Variants in LRRC4C observed in about 807,000 individuals in gnomAD.
LRRC4C encodes leucine-rich repeat-containing protein 4C.
LRRC4C carries 5 observed loss-of-function variants against 33.6 expected under a neutral mutation model. The observed-to-expected ratio is 0.15, with a 90% CI of 0.08 to 0.31. LRRC4C has a LOEUF of 0.31. LRRC4C is among the 10% of genes least tolerant of loss of function. The pLI is 1.00. For missense variants in LRRC4C, 560 were observed against 796.7 expected (o/e 0.70, Z 3.58); for synonymous variants, 329 against 302.0 (o/e 1.09, Z -0.93).
chr11:40,452,541 G>A (rs1951936298), intron 3 of LRRC4C, among the ~76,000 whole-genome samples: 1 of 152,148 alleles, frequency 6.6e-6, no homozygotes, highest in South Asian at 2.1e-4. Flanking sequence ...ACAGGTGCTG[G>A]AGAGGATGTG....
chr11:40,811,780 G>C (rs1277513689), intron 2 of LRRC4C, among the ~76,000 whole-genome samples: 1 of 152,188 alleles, frequency 6.6e-6, no homozygotes, highest in East Asian at 1.9e-4. Context: ...ACAGGCATGA[G>C]CCATCACACC....
At chr11:40,810,751 T>C (rs1393382395) in intron 2 of LRRC4C, among the ~76,000 whole-genome samples, 5 of 152,158 alleles carry the variant, frequency 3.3e-5, no homozygotes, top group African/African-American at 9.7e-5. Context: ...TTAATTAACA[T>C]GTCTTTTTGG....
At chr11:40,367,851 C>T (rs916338983) in intron 3 of LRRC4C, among the ~76,000 whole-genome samples, 3 of 152,034 alleles carry the variant, frequency 2.0e-5, no homozygotes, top group African/African-American at 7.2e-5. Flanking sequence ...TATCTGATCC[C>T]TCATATGAGG....
chr11:41,443,946 T>C (rs1565678291), intron 1 of LRRC4C, among the ~76,000 whole-genome samples: 2 of 152,032 alleles, frequency 1.3e-5, no homozygotes, highest in Non-Finnish European at 2.9e-5. Flanking sequence ...TCATATTACC[T>C]TTTCCTCTGT....
chr11:40,415,940 C>T (rs1359580523), intron 3 of LRRC4C, among the ~76,000 whole-genome samples: 1 of 152,130 alleles, frequency 6.6e-6, no homozygotes, highest in Non-Finnish European at 1.5e-5. Context: ...GAAATTATAA[C>T]TCTTATTTTT....
intron 5 of LRRC4C, among the ~76,000 whole-genome samples, chr11:40,221,600 C>T (rs1000619692): frequency 2.0e-5 from 3 of 151,960 alleles, no homozygotes; most frequent in African/African-American, 7.3e-5. Context: ...TTTCTGCCTC[C>T]AAAGAAAGAA....
chr11:40,485,607 C>T (rs1215512958), intron 3 of LRRC4C, among the ~76,000 whole-genome samples: 1 of 151,970 alleles, frequency 6.6e-6, no homozygotes, highest in African/African-American at 2.4e-5. Flanking sequence ...TCAAAGTGAT[C>T]TGACAACCAC....
chr11:41,087,605 A>C (rs1159339776), intron 1 of LRRC4C, among the ~76,000 whole-genome samples: 3 of 152,136 alleles, frequency 2.0e-5, no homozygotes, highest in Admixed American at 1.3e-4. Flanking sequence ...CTGGAACTAC[A>C]GGTTCTTGCC....
chr11:41,265,620 A>C (rs1404674939), intron 1 of LRRC4C, among the ~76,000 whole-genome samples: 3 of 152,142 alleles, frequency 2.0e-5, no homozygotes, highest in African/African-American at 7.2e-5. Flanking sequence ...AGAGATGGGG[A>C]AAAACCTAGT....
intron 3 of LRRC4C, among the ~76,000 whole-genome samples, chr11:40,439,158 T>C (rs1486106317): frequency 6.6e-6 from 1 of 151,224 alleles, no homozygotes; most frequent in African/African-American, 2.4e-5. Context: ...CCCAGGATGG[T>C]CTTGATCTTC....
chr11:40,334,827 A>G (rs985466145), intron 3 of LRRC4C, among the ~76,000 whole-genome samples: 5 of 152,054 alleles, frequency 3.3e-5, no homozygotes, highest in Non-Finnish European at 5.9e-5. Flanking sequence ...CTCCTGCGCT[A>G]CCTAAAAACT....
chr11:41,148,173 G>T (rs2135948148), intron 1 of LRRC4C, among the ~76,000 whole-genome samples: 1 of 152,080 alleles, frequency 6.6e-6, no homozygotes, highest in South Asian at 2.1e-4. Flanking sequence ...GTGCCACCAT[G>T]CCTGGCTAAC....
At chr11:40,502,805 T>C (rs1474040956) in intron 3 of LRRC4C, among the ~76,000 whole-genome samples, 1 of 152,160 alleles carries the variant, frequency 6.6e-6, no homozygotes, top group Non-Finnish European at 1.5e-5. Flanking sequence ...TTGGTTTATT[T>C]CTCTGTCTTC....
intron 1 of LRRC4C, among the ~76,000 whole-genome samples, chr11:41,442,754 C>A (rs1955679182): frequency 6.6e-6 from 1 of 152,082 alleles, no homozygotes; most frequent in African/African-American, 2.4e-5. Context: ...CAGGCGTGAG[C>A]CACCGCGCCC....
chr11:40,507,742 T>G (rs1955105972), intron 3 of LRRC4C, among the ~76,000 whole-genome samples: 1 of 144,370 alleles, frequency 6.9e-6, no homozygotes, highest in South Asian at 2.1e-4. Flanking sequence ...GATTTAATTT[T>G]TTTTTTTTTT....
At chr11:40,982,386 C>T (rs2137116543) in intron 1 of LRRC4C, among the ~76,000 whole-genome samples, 1 of 152,198 alleles carries the variant, frequency 6.6e-6, no homozygotes, top group Admixed American at 6.5e-5. Flanking sequence ...ACTTTGAGTG[C>T]CTTTTTTCTT....
chr11:40,865,132 T>C (rs1316983432), intron 2 of LRRC4C, among the ~76,000 whole-genome samples: 1 of 152,132 alleles, frequency 6.6e-6, no homozygotes, highest in Non-Finnish European at 1.5e-5. Flanking sequence ...TGTAACAACA[T>C]GGTTAACTCT....
intron 1 of LRRC4C, among the ~76,000 whole-genome samples, chr11:41,156,963 A>G (rs539173791): frequency 6.6e-6 from 1 of 152,168 alleles, no homozygotes; most frequent in African/African-American, 2.4e-5. Context: ...GAATGGATTA[A>G]TGCTGCTATA....
intron 1 of LRRC4C, among the ~76,000 whole-genome samples, chr11:41,037,842 C>T (rs1159131963): frequency 6.6e-6 from 1 of 152,132 alleles, no homozygotes; most frequent in Non-Finnish European, 1.5e-5. Context: ...AGGCAGCACC[C>T]ACTAAATAGA....
Sources: allele counts gnomAD v4.1 joint callset (sites outside exome capture counted in the v4.1 genomes callset), GRCh38; gene constraint gnomAD v4.1.1; transcripts MANE v1.5; gene names NCBI Gene and HGNC (gene_info 2026-07-23, HGNC 2026-07-21).